Variants in CYP27B1 observed in about 807,000 individuals in gnomAD.
The protein encoded by CYP27B1 is 25-hydroxyvitamin D-1 alpha hydroxylase, mitochondrial.
CYP27B1 carries 46 observed loss-of-function variants against 54.8 expected under a neutral mutation model. That is an observed-to-expected ratio of 0.84 (90% CI 0.66 to 1.07). The LOEUF (loss-of-function observed/expected upper bound fraction) is 1.07. Ranked by LOEUF, CYP27B1 falls within the 50% of genes least tolerant of loss-of-function variation. The pLI, the probability that CYP27B1 is intolerant of heterozygous loss-of-function variation, is 0.00. For synonymous variants in CYP27B1, 292 were observed against 297.3 expected (o/e 0.98, Z 0.18); for missense variants, 674 against 692.2 (o/e 0.97, Z 0.30).
chr12:57,765,330 C>A lies in CYP27B1; in HGVS notation c.556G>T (p.Val186Leu), dbSNP rs766418508. ...GTGPPALVRD[V>L]AGEFYKFGLE... is the part of the protein sequence containing the mutation. ...CCGAACTTGTAAAATTCCCCCGCCA[C>A]GTCCCGAACCAGGGCGGGCGGCCCC... is the stretch of plus-strand genomic sequence containing the variant. The change falls in exon 3 of 9, where the codon GTG becomes TTG. Residue 186 changes from valine (V) to leucine (L), a missense_variant. Physicochemically the swap from Val to Leu is conservative, Grantham distance 32. Transcript: ENST00000228606. The surrounding 1 kb of genome is among the most constrained non-coding windows in gnomAD (Gnocchi z 5.8). The A allele has an allele frequency of 6.2e-7, 1 of 1,613,430 alleles. No homozygotes were observed. Among genetic ancestry groups the A allele is most frequent in the Non-Finnish European group, 8.5e-7 (1 of 1,179,832 alleles).
intron 1 of CYP27B1, 39 bp from the exon 2 acceptor site, chr12:57,766,236 C>CG (rs1312130358): frequency 4.7e-6 from 7 of 1,498,106 alleles, no homozygotes; most frequent in Non-Finnish European, 6.3e-6. Context: ...GATACCTGGG[C>CG]GGGGACTTTC....
At position 57,762,908 on chromosome 12, in the gene CYP27B1, A is replaced by G. The variant is rs1338375167; in HGVS notation, c.*234T>C. Reference sequence around the variant, plus strand: ...TTCATCCTTGGGGGATGCATACATGATCAGAAGGGCCAAGCAAGCAGAGAG... The same window carrying G: ...TTCATCCTTGGGGGATGCATACATGGTCAGAAGGGCCAAGCAAGCAGAGAG... On this transcript the variant is annotated 3_prime_UTR_variant, in exon 9 of 9. Transcript: ENST00000228606. 1.9e-6 allele frequency: 1 copy of G among 522,296 alleles called. No individual in the cohort carries two copies. The highest frequency in any genetic ancestry group is 3.5e-6 in the Non-Finnish European group (1 of 283,310). The allele number at this position is 522,296 out of a possible 1,614,324, so 32.4% of individuals were successfully genotyped here. A position where few individuals can be genotyped will look rare whatever the true frequency, so the allele number is the denominator to read the frequency against.
chr12:57,764,825 A>G lies in CYP27B1; in HGVS notation c.892T>C (p.Phe298Leu). 6.2e-7 allele frequency: 1 copy of G among 1,614,152 alleles called. No homozygotes were observed. Among genetic ancestry groups the G allele is most frequent in the Non-Finnish European group, 8.5e-7 (1 of 1,180,012 alleles). ...GACTGGGCAGGCAACTCTTCCCGGA[A>G]CAGGAAGTGGGTCAGGTGCGCCCCA... ...ESGAHLTHFL[F>L]REELPAQSIL... is the part of the protein sequence containing the mutation. Residue 298 changes from phenylalanine to leucine, a missense_variant, in exon 5 of 9, where the codon TTC becomes CTC. Coordinates refer to ENST00000228606, the MANE Select transcript of CYP27B1 (RefSeq NM_000785.4).
Position 57,764,123 on chromosome 12 carries a change from A to G in CYP27B1, c.1190T>C (p.Val397Ala), listed in dbSNP as rs1352934523. 8 of 1,613,790 alleles carry G rather than the reference A, an allele frequency of 5.0e-6. No homozygotes were observed. Among genetic ancestry groups the G allele is most frequent in the African/African-American group, 1.3e-5 (1 of 74,936 alleles). Residue 397 changes from valine (V) to alanine (A), a missense_variant, in exon 7 of 9, where the codon GTG becomes GCG. Physicochemically the swap from Val to Ala is moderately conservative, Grantham distance 64. Transcript: ENST00000228606. ...NSRVPDKDIHVGDYIIPKNTL... is the reference protein window; with the variant it reads ...NSRVPDKDIHAGDYIIPKNTL... Reference sequence around the variant, plus strand: ...ATTTTTGGGGATAATATAGTCACCCACATGAATGTCTTTGTCTGGGACACG... The same window carrying G: ...ATTTTTGGGGATAATATAGTCACCCGCATGAATGTCTTTGTCTGGGACACG...
rs867550876 is a variant in CYP27B1, at chr12:57,764,363, C to T, written c.1136+15G>A. On this transcript the variant is annotated intron_variant, in intron 6 of 8. Transcript: ENST00000228606. ...CTTGGCATTTCCTCTTGTTCCTCCT[C>T]TCCTTCCCCCTCACCTTAGCACTTC... The T allele has an allele frequency of 3.1e-6, 5 of 1,614,194 alleles. No individual in the cohort carries two copies. Among genetic ancestry groups the T allele is most frequent in the Admixed American group, 1.7e-5 (1 of 60,028 alleles).
intron 4 of CYP27B1, 32 bp downstream of exon 4, chr12:57,764,979 T>C: frequency 6.2e-7 from 1 of 1,613,924 alleles, no homozygotes; most frequent in Non-Finnish European, 8.5e-7. Context: ...CAGCTTTACA[T>C]TCCCCCATTT....
Position 57,763,252 on chromosome 12 carries a change from G to A in CYP27B1, c.1417C>T (p.Leu473=). 1 of 1,612,352 alleles carries A rather than the reference G, an allele frequency of 6.2e-7. No homozygotes were observed. Among genetic ancestry groups the A allele is most frequent in the Non-Finnish European group, 8.5e-7 (1 of 1,178,490 alleles). Residue 473 remains leucine, a synonymous_variant, in exon 9 of 9, where the codon CTA becomes TTA. Coordinates refer to ENST00000228606, the MANE Select transcript of CYP27B1 (RefSeq NM_000785.4). ...LELQMALAQI[L]THFEVQPEPG... ...TCAGGCTGCACCTCAAAATGTGTTAGGATCTGGAAAGGGAAGAAGGTGAGC... is the reference window on the plus strand; with the variant it reads ...TCAGGCTGCACCTCAAAATGTGTTAAGATCTGGAAAGGGAAGAAGGTGAGC...
chr12:57,766,654 T>C, intron 1 of CYP27B1, 193 bp downstream of exon 1: 1 of 655,870 alleles, frequency 1.5e-6, no homozygotes, highest in Non-Finnish European at 2.6e-6. Context: ...CGCAGCGCCC[T>C]CTGCTAAGAG....
chr12:57,764,681 A>G (rs763534112), intron 5 of CYP27B1, 73 bp downstream of exon 5: 16 of 1,606,204 alleles, frequency 1.0e-5, no homozygotes, highest in Admixed American at 1.7e-5. Context: ...ATCCCCTGCA[A>G]CAGAAAAATG....
chr12:57,766,810 C>A (rs767679343), intron 1 of CYP27B1, 37 bp downstream of exon 1: 3 of 1,609,132 alleles, frequency 1.9e-6, no homozygotes, highest in Non-Finnish European at 2.6e-6. Flanking sequence ...AACCAGTTTC[C>A]CCAGCACTCT....
chr12:57,763,441 T>C (rs1263559949), intron 8 of CYP27B1, among the ~76,000 whole-genome samples, 170 bp downstream of exon 8: 3 of 152,158 alleles, frequency 2.0e-5, no homozygotes, highest in Non-Finnish European at 4.4e-5. Flanking sequence ...AAAAAATAGT[T>C]TGAATACCCT....
rs748385650 is a variant in CYP27B1 at position 57,764,737 on chromosome 12, C to T, written c.963+17G>A. On this transcript the variant is annotated intron_variant, in intron 5 of 8. Coordinates refer to ENST00000228606, the MANE Select transcript of CYP27B1 (RefSeq NM_000785.4). ...TAAGCCCTGGAACCGGCTCACAGCA[C>T]GGAGGGAGAACCTCACCGTGTCCAC... 3 of 1,613,980 alleles carry T rather than the reference C, an allele frequency of 1.9e-6. No individual in the cohort carries two copies. The South Asian group carries it at 3.3e-5, about 18-fold the overall frequency.
In CYP27B1 at chr12:57,765,565, G is replaced by T; in HGVS notation, c.387-66C>A. The T allele has an allele frequency of 6.6e-7, 1 of 1,504,862 alleles. No homozygotes were observed. Among genetic ancestry groups the T allele is most frequent in the Non-Finnish European group, 9.1e-7 (1 of 1,099,952 alleles). The allele number at this position is 1,504,862 out of a possible 1,614,324, so 93.2% of individuals were successfully genotyped here. On this transcript the variant is annotated intron_variant, in intron 2 of 8. Coordinates refer to ENST00000228606, the MANE Select transcript of CYP27B1 (RefSeq NM_000785.4). The surrounding 1 kb of genome is among the most constrained non-coding windows in gnomAD (Gnocchi z 5.8). ...ACGGCTCGACGGGACTGGCTGCAGT[G>T]AAGGAGCGCGTTCGGCTGCGGTGGC...
chr12:57,763,277 C>T (rs751211606), intron 8 of CYP27B1, 22 bp from the exon 9 acceptor site: 2 of 1,548,426 alleles, frequency 1.3e-6, no homozygotes, highest in African/African-American at 1.4e-5. Context: ...AGAAGGTGAG[C>T]ATTACTATGA....
Position 57,765,259 on chromosome 12 carries a change from C to T in CYP27B1, c.589+38G>A, listed in dbSNP as rs1955349855. The T allele has an allele frequency of 1.9e-6, 3 of 1,611,434 alleles. No individual in the cohort carries two copies. The highest frequency in any genetic ancestry group is 2.2e-5 in the East Asian group (1 of 44,822). On this transcript the variant is annotated intron_variant, in intron 3 of 8. Coordinates refer to ENST00000228606, the MANE Select transcript of CYP27B1 (RefSeq NM_000785.4). The surrounding 1 kb of genome is among the most constrained non-coding windows in gnomAD (Gnocchi z 5.8). Reference sequence around the variant, plus strand: ...AGGGTTCCGGGAGGCTCTGGTAGGGCGCCCCCGACGCCTGCCCAGCTCTGT... The same window carrying T: ...AGGGTTCCGGGAGGCTCTGGTAGGGTGCCCCCGACGCCTGCCCAGCTCTGT...
chr12:57,764,822 G>A lies in CYP27B1; in HGVS notation c.895C>T (p.Arg299Trp). ...ATGGACTGGGCAGGCAACTCTTCCC[G>A]GAACAGGAAGTGGGTCAGGTGCGCC... ...SGAHLTHFLF[R>W]EELPAQSILG... Residue 299 changes from arginine (R) to tryptophan (W), a missense_variant, in exon 5 of 9, where the codon CGG becomes TGG. By Grantham distance (101) the Arg-to-Trp change is moderately radical. Transcript: ENST00000228606. 2 of 1,614,154 alleles carry A rather than the reference G, an allele frequency of 1.2e-6. No homozygotes were observed. Among genetic ancestry groups the A allele is most frequent in the Non-Finnish European group, 1.7e-6 (2 of 1,180,034 alleles).
Position 57,765,822 on chromosome 12 carries a change from G to A in CYP27B1, c.386+185C>T, listed in dbSNP as rs1955355546. ...GGCCTCAAAGGATAAGGAGGTAGGC[G>A]GGGAGTGAGGTTGGGGCTCAACCTG... On this transcript the variant is annotated intron_variant, in intron 2 of 8. Coordinates refer to ENST00000228606, the MANE Select transcript of CYP27B1 (RefSeq NM_000785.4). The surrounding 1 kb of genome is among the most constrained non-coding windows in gnomAD (Gnocchi z 5.8). 8.4e-7 allele frequency: 1 copy of A among 1,187,076 alleles called. No individual in the cohort carries two copies. The highest frequency in any genetic ancestry group is 1.1e-6 in the Non-Finnish European group (1 of 871,962). The allele number at this position is 1,187,076 out of a possible 1,614,324, so 73.5% of individuals were successfully genotyped here.
Position 57,765,779 on chromosome 12 carries a change from C to T in CYP27B1, c.386+228G>A, listed in dbSNP as rs1337318580. ...ACCCTAGCCCAATTCCTCCGGTTCCCCCAGTTCCCAGGATTCGGGCCTCAA... is the reference window on the plus strand; with the variant it reads ...ACCCTAGCCCAATTCCTCCGGTTCCTCCAGTTCCCAGGATTCGGGCCTCAA... On this transcript the variant is annotated intron_variant, in intron 2 of 8. Transcript: ENST00000228606. The surrounding 1 kb of genome is among the most constrained non-coding windows in gnomAD (Gnocchi z 5.8). The T allele has an allele frequency of 2.2e-5, 20 of 900,830 alleles. No individual in the cohort carries two copies. In the East Asian group the frequency reaches 5.1e-4, roughly 23 times the overall value. The allele number at this position is 900,830 out of a possible 1,614,324, so 55.8% of individuals were successfully genotyped here.
Position 57,762,797 on chromosome 12 carries a change from A to G in CYP27B1, c.*345T>C, listed in dbSNP as rs141820034. ...ATGCTTTGATAAATGCTTAGCCAGC[A>G]GCATCAATGAACACTATGAAAGCCC... On this transcript the variant is annotated 3_prime_UTR_variant, in exon 9 of 9. Transcript: ENST00000228606. The G allele has an allele frequency of 4.5e-4, 159 of 353,564 alleles. 1 individual carries two copies. Among genetic ancestry groups the G allele is most frequent in the South Asian group, 2.3e-3 (100 of 43,554 alleles). The allele number at this position is 353,564 out of a possible 1,614,324, so 21.9% of individuals were successfully genotyped here. A position where few individuals can be genotyped will look rare whatever the true frequency, so the allele number is the denominator to read the frequency against.
Sources: allele counts gnomAD v4.1 joint callset (sites outside exome capture counted in the v4.1 genomes callset), GRCh38; gene constraint gnomAD v4.1.1; non-coding constraint Gnocchi (gnomAD v3.1); transcripts MANE v1.5; gene names NCBI Gene and HGNC (gene_info 2026-07-23, HGNC 2026-07-21).